The following CSMD1 variants were observed in gnomAD, a reference collection of about 807,000 sequenced individuals.
CSMD1 encodes CUB and Sushi multiple domains 1.
Under a neutral mutation model 417.5 loss-of-function variants are expected in CSMD1, and 213 were observed. The ratio of observed to expected loss-of-function variants is 0.51; its 90% confidence interval spans 0.46 to 0.57. CSMD1 has a LOEUF of 0.57. Ranked by LOEUF, CSMD1 falls within the 20% of genes least tolerant of loss-of-function variation. CSMD1 has a pLI of 0.00. For synonymous variants in CSMD1, 2,862 were observed against 1,736.8 expected (o/e 1.65, Z -16.11); for missense variants, 6,923 against 4,529.7 (o/e 1.53, Z -15.17).
chr8:4,415,856 T>C (rs1337540726), intron 3 of CSMD1, among the ~76,000 whole-genome samples: 1 of 152,186 alleles, frequency 6.6e-6, no homozygotes, highest in Non-Finnish European at 1.5e-5. Flanking sequence ...TAAATAAACG[T>C]AATATATACA....
intron 2 of CSMD1, among the ~76,000 whole-genome samples, chr8:4,610,556 C>T (rs765612265): frequency 1.1e-4 from 17 of 152,064 alleles, no homozygotes; most frequent in Non-Finnish European, 1.6e-4. Context: ...TCATGTTTGC[C>T]GTTTTGTCAT....
intron 1 of CSMD1, among the ~76,000 whole-genome samples, chr8:4,851,456 C>A (rs917724062): frequency 1.3e-5 from 2 of 151,922 alleles, no homozygotes; most frequent in African/African-American, 4.8e-5. Context: ...CCTTGTCAAC[C>A]TCTATTTTTT....
chr8:4,525,845 G>C (rs566081954), intron 2 of CSMD1, among the ~76,000 whole-genome samples: 2 of 152,206 alleles, frequency 1.3e-5, no homozygotes, highest in East Asian at 1.9e-4. Flanking sequence ...CTCTTGACAT[G>C]TGTCCACAGT....
At chr8:3,524,727 C>T (rs1310448710) in intron 10 of CSMD1, among the ~76,000 whole-genome samples, 1 of 151,492 alleles carries the variant, frequency 6.6e-6, no homozygotes, top group Non-Finnish European at 1.5e-5. Flanking sequence ...CATGCACACA[C>T]ACACATGCAC....
intron 1 of CSMD1, among the ~76,000 whole-genome samples, chr8:4,890,821 A>T (rs932188838): frequency 2.0e-5 from 3 of 152,166 alleles, no homozygotes; most frequent in African/African-American, 7.2e-5. Context: ...TTTTGTCGAC[A>T]TTAAGATGTG....
chr8:4,368,040 C>T (rs534147477), intron 3 of CSMD1, among the ~76,000 whole-genome samples: 88 of 152,232 alleles, frequency 5.8e-4, no homozygotes, highest in African/African-American at 2.0e-3. Context: ...CTAGAACTTC[C>T]AGTACTATGT....
At chr8:3,823,066 G>T (rs1801829997) in intron 5 of CSMD1, among the ~76,000 whole-genome samples, 2 of 152,136 alleles carry the variant, frequency 1.3e-5, no homozygotes, top group Non-Finnish European at 2.9e-5. Flanking sequence ...TTCCGGAAGA[G>T]ATTTCAAGAG....
chr8:4,032,438 T>G (rs1485601265), intron 3 of CSMD1, among the ~76,000 whole-genome samples: 1 of 152,078 alleles, frequency 6.6e-6, no homozygotes, highest in African/African-American at 2.4e-5. Flanking sequence ...CAACCAGATG[T>G]CAGTGTCAGC....
chr8:3,935,999 C>A (rs530482659), intron 5 of CSMD1, among the ~76,000 whole-genome samples: 9 of 152,084 alleles, frequency 5.9e-5, no homozygotes, highest in African/African-American at 2.2e-4. Flanking sequence ...TCAGTGAATG[C>A]AAATGATAAG....
chr8:4,441,402 C>G (rs766390063), intron 2 of CSMD1, among the ~76,000 whole-genome samples: 1 of 151,238 alleles, frequency 6.6e-6, no homozygotes. Context: ...CATGAGCCAA[C>G]TCACCCAGCC....
chr8:4,359,005 C>T (rs1801598815), intron 3 of CSMD1, among the ~76,000 whole-genome samples: 1 of 151,862 alleles, frequency 6.6e-6, no homozygotes, highest in Admixed American at 6.6e-5. Context: ...CATATATAGG[C>T]ATATAATATA....
At chr8:3,482,689 C>T (rs971147563) in intron 11 of CSMD1, among the ~76,000 whole-genome samples, 1 of 152,088 alleles carries the variant, frequency 6.6e-6, no homozygotes, top group Non-Finnish European at 1.5e-5. Flanking sequence ...TTTTTCAAAG[C>T]CCTATGAAAA....
At chr8:3,664,388 G>T (rs1157662773) in intron 7 of CSMD1, among the ~76,000 whole-genome samples, 1 of 152,096 alleles carries the variant, frequency 6.6e-6, no homozygotes, top group Non-Finnish European at 1.5e-5. Flanking sequence ...TCTGCTCCTG[G>T]TTCACTTCAA....
chr8:3,028,205 A>C (rs1297069336), intron 51 of CSMD1, among the ~76,000 whole-genome samples: 1 of 152,168 alleles, frequency 6.6e-6, no homozygotes, highest in Non-Finnish European at 1.5e-5. Flanking sequence ...TGTTGGCGGG[A>C]AGAGTCTAAA....
At chr8:4,036,956 G>A (rs1008346563) in intron 3 of CSMD1, among the ~76,000 whole-genome samples, 1 of 145,936 alleles carries the variant, frequency 6.9e-6, no homozygotes, top group Admixed American at 6.8e-5. Context: ...GTGAGTGTGG[G>A]GTGTGTGTGT....
chr8:3,455,426 T>TC (rs1274093664), intron 12 of CSMD1, among the ~76,000 whole-genome samples: 1 of 152,234 alleles, frequency 6.6e-6, no homozygotes, highest in African/African-American at 2.4e-5. Context: ...CTCTGTTTTT[T>TC]CCCCATCTTT....
At chr8:4,093,778 T>A (rs961757907) in intron 3 of CSMD1, among the ~76,000 whole-genome samples, 2 of 152,140 alleles carry the variant, frequency 1.3e-5, no homozygotes, top group Admixed American at 6.5e-5. Flanking sequence ...TTGGCCAACA[T>A]GGTGAAATCC....
intron 3 of CSMD1, among the ~76,000 whole-genome samples, chr8:4,415,793 G>C (rs890324946): frequency 1.3e-5 from 2 of 152,166 alleles, no homozygotes; most frequent in Non-Finnish European, 2.9e-5. Context: ...ATGAGCACAC[G>C]TGTTTACATG....
chr8:4,685,759 T>G (rs1314683431), intron 1 of CSMD1, among the ~76,000 whole-genome samples: 1 of 152,162 alleles, frequency 6.6e-6, no homozygotes, highest in African/African-American at 2.4e-5. Flanking sequence ...TCAAATCTGT[T>G]GGTGAGAAAA....
Sources: gnomAD v4.1 joint callset for allele counts (sites outside exome capture counted in the v4.1 genomes callset) on GRCh38, gnomAD v4.1.1 for gene constraint, MANE v1.5 for transcripts, NCBI Gene and HGNC (gene_info 2026-07-23, HGNC 2026-07-21) for gene names.